RBFOX1: variants seen among roughly 807,000 people sequenced by gnomAD.
The protein encoded by RBFOX1 is RNA binding fox-1 homolog 1, also known as RNA binding protein fox-1 homolog 1.
In RBFOX1, 8 loss-of-function variants were observed where a neutral mutation model predicts 57.7. The ratio of observed to expected loss-of-function variants is 0.14; its 90% CI spans 0.08 to 0.25. The LOEUF (loss-of-function observed/expected upper bound fraction) is 0.25, where lower values mean the gene tolerates loss of function less well. RBFOX1 is among the 10% of genes least tolerant of loss of function. The pLI, the probability that RBFOX1 is intolerant of heterozygous loss-of-function variation, is 1.00. For synonymous variants in RBFOX1, 326 were observed against 222.4 expected, an observed-to-expected ratio of 1.47 and a Z score of -4.15; for missense variants, 611 against 548.5, an observed-to-expected ratio of 1.11 and a Z score of -1.14.
At chr16:6,770,126 G>C (rs934926269) in intron 3 of RBFOX1, among the ~76,000 whole-genome samples, 5 of 152,164 alleles carry the variant, frequency 3.3e-5, no homozygotes, top group Non-Finnish European at 7.3e-5. Context: ...GTATTAAGCA[G>C]AAAGGCAGCT....
At chr16:6,328,425 G>T (rs12928657) in intron 2 of RBFOX1, among the ~76,000 whole-genome samples, 147,801 of 152,244 alleles carry the variant, frequency 0.97, 71,891 homozygotes, top group East Asian at 1. Flanking sequence ...CCCAAAAACC[G>T]ATGGTAATAA....
At chr16:6,904,110 A>G (rs1037491436) in intron 3 of RBFOX1, among the ~76,000 whole-genome samples, 2 of 152,174 alleles carry the variant, frequency 1.3e-5, no homozygotes, top group Non-Finnish European at 2.9e-5. Context: ...CACCACCCCT[A>G]TACCTAATAG....
chr16:6,764,607 G>C lies in RBFOX1; in HGVS notation c.-16+109957G>C, dbSNP rs553307447. On this transcript the variant is annotated intron_variant, in intron 3 of 15. Transcript: ENST00000550418. ...ACTTGGATATACTAGGGAGAAAAAA[G>C]AGTAAACAAAACAATTAGAGATGAT... is the stretch of plus-strand genomic sequence containing the variant. Among the ~76,000 whole-genome samples, 3 of 152,244 alleles carry C rather than the reference G, an allele frequency of 2.0e-5. No individual in the cohort carries two copies. The South Asian group carries it at 6.2e-4, about 32-fold the overall frequency.
At chr16:7,084,520 G>A (rs1370792331) in intron 4 of RBFOX1, among the ~76,000 whole-genome samples, 3 of 152,232 alleles carry the variant, frequency 2.0e-5, no homozygotes, top group African/African-American at 4.8e-5. Context: ...GAGAAATAGT[G>A]CCCCATGCAG....
chr16:7,109,843 G>A (rs988502803), intron 4 of RBFOX1, among the ~76,000 whole-genome samples: 4 of 152,144 alleles, frequency 2.6e-5, no homozygotes, highest in Non-Finnish European at 1.5e-5. Flanking sequence ...ACGTGATGAG[G>A]TGAGGTGCTA....
chr16:5,438,448 T>A (rs1320467473), intron 1 of RBFOX1, among the ~76,000 whole-genome samples: 1 of 152,140 alleles, frequency 6.6e-6, no homozygotes. Context: ...GCCTAACACT[T>A]CAAGTGCTGT....
intron 4 of RBFOX1, among the ~76,000 whole-genome samples, chr16:5,888,002 G>A (rs1946443217): frequency 1.3e-5 from 2 of 152,190 alleles, no homozygotes; most frequent in South Asian, 2.1e-4. Context: ...CTGTGTTCCT[G>A]CAATACTGTC....
At chr16:7,432,824 C>G (rs1458834049) in intron 4 of RBFOX1, among the ~76,000 whole-genome samples, 4 of 152,200 alleles carry the variant, frequency 2.6e-5, no homozygotes, top group Non-Finnish European at 5.9e-5. Context: ...CCTTTGCTCT[C>G]TCTGCTGCTT....
At chr16:7,640,488 G>C (rs1485232687) in intron 11 of RBFOX1, among the ~76,000 whole-genome samples, 2 of 152,166 alleles carry the variant, frequency 1.3e-5, no homozygotes, top group Non-Finnish European at 2.9e-5. Flanking sequence ...TTCTTTCACA[G>C]AAATACATAT....
At chr16:7,129,387 C>A (rs1055943922) in intron 4 of RBFOX1, among the ~76,000 whole-genome samples, 2 of 151,980 alleles carry the variant, frequency 1.3e-5, no homozygotes, top group African/African-American at 4.8e-5. Flanking sequence ...CTGGAAGTGG[C>A]ATAGGAACAG....
At chr16:6,778,278 G>A (rs8060465) in intron 3 of RBFOX1, among the ~76,000 whole-genome samples, 111,043 of 152,048 alleles carry the variant, frequency 0.73, 41,478 homozygotes, top group East Asian at 0.92. Context: ...ATTGTACAAA[G>A]TAACAAACAC....
chr16:5,487,115 G>A (rs1186129686), intron 2 of RBFOX1, among the ~76,000 whole-genome samples: 1 of 152,046 alleles, frequency 6.6e-6, no homozygotes, highest in African/African-American at 2.4e-5. Flanking sequence ...AAGCCCTCCG[G>A]GAGTTCTCCA....
At chr16:6,931,193 C>T (rs946209481) in intron 3 of RBFOX1, among the ~76,000 whole-genome samples, 1 of 150,754 alleles carries the variant, frequency 6.6e-6, no homozygotes, top group African/African-American at 2.4e-5. Flanking sequence ...GTAGATATGG[C>T]ATAATATTTT....
chr16:6,490,267 G>C (rs1488461563), intron 2 of RBFOX1, among the ~76,000 whole-genome samples: 1 of 152,226 alleles, frequency 6.6e-6, no homozygotes, highest in Non-Finnish European at 1.5e-5. Context: ...GATCTTGCAA[G>C]TACGCAATTA....
intron 3 of RBFOX1, among the ~76,000 whole-genome samples, chr16:6,946,338 G>T (rs753738456): frequency 1.3e-5 from 2 of 152,194 alleles, no homozygotes; most frequent in Admixed American, 6.5e-5. Flanking sequence ...TAGTCAGTGG[G>T]CCAGGTCTGG....
intron 1 of RBFOX1, among the ~76,000 whole-genome samples, chr16:6,262,507 C>T (rs2097707561): frequency 6.6e-6 from 1 of 152,018 alleles, no homozygotes; most frequent in African/African-American, 2.4e-5. Context: ...AGGCAGTGTT[C>T]ACTGCAGCAG....
chr16:7,032,375 G>T (rs1019963287), intron 3 of RBFOX1, among the ~76,000 whole-genome samples: 5 of 152,078 alleles, frequency 3.3e-5, no homozygotes, highest in African/African-American at 1.2e-4. Context: ...AACCCAGGAG[G>T]TGGAGGTTGC....
chr16:5,524,460 T>A (rs548367552), intron 2 of RBFOX1, among the ~76,000 whole-genome samples: 20 of 152,236 alleles, frequency 1.3e-4, no homozygotes, highest in African/African-American at 4.3e-4. Context: ...TGTGCATGTC[T>A]CTTTATAATA....
intron 3 of RBFOX1, among the ~76,000 whole-genome samples, chr16:6,923,479 G>A (rs1404224151): frequency 6.6e-6 from 1 of 152,164 alleles, no homozygotes; most frequent in Non-Finnish European, 1.5e-5. Flanking sequence ...GAGGCAGTGA[G>A]CCAATATCAC....
Sources: allele counts gnomAD v4.1 joint callset (sites outside exome capture counted in the v4.1 genomes callset), GRCh38; gene constraint gnomAD v4.1.1; transcripts MANE v1.5; gene names NCBI Gene and HGNC (gene_info 2026-07-23, HGNC 2026-07-21).